CNTNAP2: variants seen among roughly 807,000 people sequenced by gnomAD.
The protein encoded by CNTNAP2 is contactin-associated protein-like 2.
In CNTNAP2, 98 loss-of-function variants were observed where a neutral mutation model predicts 155.2. The ratio of observed to expected loss-of-function variants is 0.63; its 90% CI spans 0.54 to 0.75. The LOEUF (loss-of-function observed/expected upper bound fraction) is 0.75. Ranked by LOEUF, CNTNAP2 falls within the 30% of genes least tolerant of loss-of-function variation. CNTNAP2 has a pLI of 0.00. For synonymous variants in CNTNAP2, 651 were observed against 631.2 expected (o/e 1.03, Z -0.47); for missense variants, 1,727 against 1,688.1 (o/e 1.02, Z -0.40).
intron 14 of CNTNAP2, among the ~76,000 whole-genome samples, chr7:147,969,391 A>G (rs1801290553): frequency 6.6e-6 from 1 of 152,088 alleles, no homozygotes; most frequent in Non-Finnish European, 1.5e-5. Context: ...CTCTCCTGTT[A>G]TTTGGAAAAC....
At chr7:148,099,868 G>GTTTTTTTTTTTTTTTTT (rs751537152) in intron 15 of CNTNAP2, among the ~76,000 whole-genome samples, 8 of 88,804 alleles carry the variant, frequency 9.0e-5, no homozygotes, top group Admixed American at 2.7e-4. Context: ...TTTTTTTTTG[G>GTTTTTTTTTTTTTTTTT]TTTTTTTTTT....
rs573111035 is a variant in CNTNAP2, at chr7:147,621,757, T to C, written c.1898-17349T>C. ...AACAACCAGAAAACAAATAACAACA[T>C]GGCAAGAGTAACTTCTTACTTATCA... On this transcript the variant is annotated intron_variant, in intron 12 of 23. Transcript: ENST00000361727. Among the ~76,000 whole-genome samples, 7 of 152,000 alleles carry C rather than the reference T, an allele frequency of 4.6e-5. No homozygotes were observed. The South Asian group carries it at 1.2e-3, about 27-fold the overall frequency.
chr7:147,450,968 T>G (rs1299956105), intron 10 of CNTNAP2, among the ~76,000 whole-genome samples: 1 of 152,218 alleles, frequency 6.6e-6, no homozygotes, highest in Admixed American at 6.5e-5. Flanking sequence ...CAACTCCACA[T>G]TAAATCCAGG....
At chr7:147,094,995 G>C (rs113649351) in intron 4 of CNTNAP2, among the ~76,000 whole-genome samples, 2 of 151,890 alleles carry the variant, frequency 1.3e-5, no homozygotes, top group Admixed American at 6.6e-5. Flanking sequence ...CAAGGGCAAC[G>C]CATCTTTCTG....
intron 12 of CNTNAP2, among the ~76,000 whole-genome samples, chr7:147,615,465 A>G (rs1466059036): frequency 1.3e-5 from 2 of 151,838 alleles, no homozygotes; most frequent in East Asian, 1.9e-4. Context: ...AGAATGCAAG[A>G]AGATATAATT....
chr7:147,992,902 T>C lies in CNTNAP2; in HGVS notation c.2383+14913T>C, dbSNP rs558046493. 4.6e-5 allele frequency among the ~76,000 whole-genome samples: 7 copies of C among 152,378 alleles called. No homozygotes were observed. In the East Asian group the frequency reaches 7.7e-4, roughly 17 times the overall value. On this transcript the variant is annotated intron_variant, in intron 15 of 23. Coordinates refer to ENST00000361727, the MANE Select transcript of CNTNAP2 (RefSeq NM_014141.6). ...TTAAGTATTCCTTAATTCAATTTGG[T>C]AGATTACCCTAATCGATTTTGTTTT...
intron 1 of CNTNAP2, among the ~76,000 whole-genome samples, chr7:146,540,621 G>A (rs187389686): frequency 2.4e-3 from 371 of 151,962 alleles, no homozygotes; most frequent in Middle Eastern, 0.01. Context: ...CATAGATATT[G>A]ACTCCAAAGA....
rs1467360278 is a variant in CNTNAP2, at chr7:147,990,457, G to A, written c.2383+12468G>A. On this transcript the variant is annotated intron_variant, in intron 15 of 23. Coordinates refer to ENST00000361727, the MANE Select transcript of CNTNAP2 (RefSeq NM_014141.6). ...TGGACTGTTTCTGTGTGGAAGAGAAGTTTATTGCAGGGTTGAAATGTCTCT... is the reference window on the plus strand; with the variant it reads ...TGGACTGTTTCTGTGTGGAAGAGAAATTTATTGCAGGGTTGAAATGTCTCT... 2.0e-5 allele frequency among the ~76,000 whole-genome samples: 3 copies of A among 152,008 alleles called. No individual in the cohort carries two copies. In the East Asian group the frequency reaches 5.8e-4, roughly 29 times the overall value.
chr7:146,759,711 A>AAAAAAAAAAAAAAAAAAAAAG (rs1309834469), intron 1 of CNTNAP2, among the ~76,000 whole-genome samples: 1 of 60,732 alleles, frequency 1.6e-5, no homozygotes. Flanking sequence ...AAAAAAAAAA[A>AAAAAAAAAAAAAAAAAAAAAG]GGTGGGTGGG....
At chr7:146,624,418 A>C (rs78236690) in intron 1 of CNTNAP2, among the ~76,000 whole-genome samples, 4 of 152,002 alleles carry the variant, frequency 2.6e-5, no homozygotes, top group Non-Finnish European at 5.9e-5. Context: ...TGCACAAGAC[A>C]TATAGTTGGT....
intron 10 of CNTNAP2, among the ~76,000 whole-genome samples, chr7:147,416,327 C>A (rs1335436865): frequency 6.6e-6 from 1 of 152,166 alleles, no homozygotes; most frequent in African/African-American, 2.4e-5. Flanking sequence ...AAGTGGAGAA[C>A]ACAATCAGAA....
At chr7:146,488,902 G>T (rs1797098471) in intron 1 of CNTNAP2, among the ~76,000 whole-genome samples, 1 of 152,130 alleles carries the variant, frequency 6.6e-6, no homozygotes, top group African/African-American at 2.4e-5. Flanking sequence ...TTACGGGTGT[G>T]GGCCACCACG....
chr7:146,634,182 A>C (rs1331229985), intron 1 of CNTNAP2, among the ~76,000 whole-genome samples: 1 of 152,226 alleles, frequency 6.6e-6, no homozygotes, highest in East Asian at 1.9e-4. Flanking sequence ...TCAGCTGTTC[A>C]CTATGAGATT....
chr7:147,384,851 C>T (rs1796599852), intron 9 of CNTNAP2, among the ~76,000 whole-genome samples: 1 of 152,206 alleles, frequency 6.6e-6, no homozygotes, highest in South Asian at 2.1e-4. Context: ...CACCCAGAGA[C>T]CTCCTTCAAC....
intron 21 of CNTNAP2, among the ~76,000 whole-genome samples, chr7:148,298,739 T>C (rs1438515874): frequency 6.6e-6 from 1 of 152,198 alleles, no homozygotes; most frequent in Non-Finnish European, 1.5e-5. Flanking sequence ...TCACCCAGGC[T>C]GGAGTCGAGT....
chr7:146,565,210 A>T (rs1176942373), intron 1 of CNTNAP2, among the ~76,000 whole-genome samples: 1 of 152,120 alleles, frequency 6.6e-6, no homozygotes, highest in East Asian at 1.9e-4. Flanking sequence ...TGAGAGGTAC[A>T]GCTTATACAA....
At chr7:147,171,143 G>A (rs562511558) in intron 8 of CNTNAP2, among the ~76,000 whole-genome samples, 1 of 152,142 alleles carries the variant, frequency 6.6e-6, no homozygotes, top group African/African-American at 2.4e-5. Flanking sequence ...AAGTCTGCAT[G>A]AGCGTGGGCT....
intron 14 of CNTNAP2, among the ~76,000 whole-genome samples, chr7:147,932,721 T>A (rs1224786647): frequency 1.3e-5 from 2 of 152,092 alleles, no homozygotes. Flanking sequence ...GTATACTATG[T>A]CAAACTAAAA....
chr7:147,598,167 C>CT (rs57317671), intron 12 of CNTNAP2, among the ~76,000 whole-genome samples: 35 of 147,908 alleles, frequency 2.4e-4, no homozygotes, highest in East Asian at 7.9e-4. Flanking sequence ...TTCTTTCTTT[C>CT]TTTTTTTTTT....
Sources: gnomAD v4.1 joint callset for allele counts (sites outside exome capture counted in the v4.1 genomes callset) on GRCh38, gnomAD v4.1.1 for gene constraint, MANE v1.5 for transcripts, NCBI Gene and HGNC (gene_info 2026-07-23, HGNC 2026-07-21) for gene names.